The following HUNK variants were observed in gnomAD, a reference collection of about 807,000 sequenced individuals.
HUNK encodes hormonally up-regulated neu tumor-associated kinase.
HUNK carries 21 observed loss-of-function variants against 61.0 expected under a neutral mutation model. The ratio of observed to expected loss-of-function variants is 0.34; its 90% CI spans 0.24 to 0.50. HUNK has a LOEUF of 0.50. HUNK is among the 20% of genes least tolerant of loss of function. The probability of loss-of-function intolerance (pLI) is 0.98; values close to 1 mark genes in which losing one functional copy is unlikely to be tolerated. For synonymous variants in HUNK, 371 were observed against 386.1 expected, an observed-to-expected ratio of 0.96 and a Z score of 0.46; for missense variants, 772 against 945.7, an observed-to-expected ratio of 0.82 and a Z score of 2.41.
rs115224496 is a variant in HUNK, at chr21:31,950,665, C to G, written c.746+4494C>G. On this transcript the variant is annotated intron_variant, in intron 4 of 10. Coordinates refer to ENST00000270112, the MANE Select transcript of HUNK (RefSeq NM_014586.2). ...GGGGTCTGATTTTGTGTCTGAGATA[C>G]AAGTTAGGTTTCTGTTTGGTGCCCA... is the stretch of plus-strand genomic sequence containing the variant. 5.4e-3 allele frequency among the ~76,000 whole-genome samples: 821 copies of G among 152,200 alleles called. 8 individuals carry two copies. The highest frequency in any genetic ancestry group is 0.019 in the African/African-American group (780 of 41,520).
At chr21:31,893,618 C>G (rs1490873326) in intron 1 of HUNK, among the ~76,000 whole-genome samples, 1 of 151,516 alleles carries the variant, frequency 6.6e-6, no homozygotes, top group African/African-American at 2.4e-5. Flanking sequence ...GGCCTCACCT[C>G]CTTGTCACCT....
intron 5 of HUNK, among the ~76,000 whole-genome samples, 164 bp from the exon 6 acceptor site, chr21:31,968,086 C>A (rs1056471943): frequency 5.3e-5 from 8 of 152,108 alleles, no homozygotes; most frequent in Non-Finnish European, 8.8e-5. Flanking sequence ...CCAAGCTCCA[C>A]GATTCATTGA....
chr21:31,975,816 C>T (rs1279346506), intron 7 of HUNK, among the ~76,000 whole-genome samples: 1 of 152,124 alleles, frequency 6.6e-6, no homozygotes, highest in African/African-American at 2.4e-5. Flanking sequence ...GTGGAGATGA[C>T]CAAATTAATA....
chr21:31,999,759 G>T lies in HUNK; in HGVS notation c.*575G>T, dbSNP rs1601417412. 6.2e-6 allele frequency: 1 copy of T among 162,410 alleles called. No homozygotes were observed. The highest frequency in any genetic ancestry group is 2.4e-5 in the African/African-American group (1 of 41,842). The allele number at this position is 162,410 out of a possible 1,614,324, so 10.1% of individuals were successfully genotyped here. ...GGACCAAGATCAAACCAAACAGTGGGGACCCCAACAGAAGAGAAAGACTGA... is the reference window on the plus strand; with the variant it reads ...GGACCAAGATCAAACCAAACAGTGGTGACCCCAACAGAAGAGAAAGACTGA... On this transcript the variant is annotated 3_prime_UTR_variant, in exon 11 of 11. Transcript: ENST00000270112.
intron 5 of HUNK, among the ~76,000 whole-genome samples, chr21:31,961,929 A>T (rs1399942769): frequency 2.0e-5 from 3 of 152,190 alleles, no homozygotes; most frequent in South Asian, 2.1e-4. Flanking sequence ...ATCAGCCCCC[A>T]AGTCTTAGTG....
Position 31,974,571 on chromosome 21 carries a change from C to T in HUNK, c.1027C>T (p.Leu343=). ...TYPNRISLED[L]SPSVVLHMTE... is the part of the protein sequence containing the mutation. Reference sequence around the variant, plus strand: ...ACCTCGCAGGATTTCTCTGGAAGATCTGAGCCCGAGCGTCGTGCTGCACAT... The same window carrying T: ...ACCTCGCAGGATTTCTCTGGAAGATTTGAGCCCGAGCGTCGTGCTGCACAT... Residue 343 remains leucine, a synonymous_variant, in exon 7 of 11, where the codon CTG becomes TTG. Coordinates refer to ENST00000270112, the MANE Select transcript of HUNK (RefSeq NM_014586.2). 6.2e-7 allele frequency: 1 copy of T among 1,613,396 alleles called. No individual in the cohort carries two copies. The highest frequency in any genetic ancestry group is 8.5e-7 in the Non-Finnish European group (1 of 1,179,652).
intron 9 of HUNK, 49 bp from the exon 10 acceptor site, chr21:31,995,719 G>A (rs749585396): frequency 6.9e-6 from 10 of 1,446,518 alleles, no homozygotes; most frequent in African/African-American, 5.7e-5. Context: ...GAATCCCATT[G>A]TGTCTTCTAG....
Position 32,001,876 on chromosome 21 carries a change from G to C in HUNK, c.*2692G>C, listed in dbSNP as rs1203290694. 1 of 152,644 alleles carries C rather than the reference G, an allele frequency of 6.6e-6. No homozygotes were observed. Among genetic ancestry groups the C allele is most frequent in the Non-Finnish European group, 1.5e-5 (1 of 68,044 alleles). The allele number at this position is 152,644 out of a possible 1,614,324, so 9.5% of individuals were successfully genotyped here. On this transcript the variant is annotated 3_prime_UTR_variant, in exon 11 of 11. Transcript: ENST00000270112. ...GACAGAAATTGACTGGACTGTCATTGTGTGAAGTCTAGGAGGAAATGTCCA... is the reference window on the plus strand; with the variant it reads ...GACAGAAATTGACTGGACTGTCATTCTGTGAAGTCTAGGAGGAAATGTCCA...
In HUNK at chr21:31,958,960, G is replaced by T. The variant is rs1271808703; in HGVS notation, c.864G>T (p.Gln288His). 2 of 1,604,974 alleles carry T rather than the reference G, an allele frequency of 1.2e-6. No homozygotes were observed. Among genetic ancestry groups the T allele is most frequent in the Admixed American group, 1.7e-5 (1 of 59,130 alleles). Residue 288 changes from glutamine to histidine, a missense_variant, in exon 5 of 11, where the codon CAG (glutamine) becomes CAT (histidine). Physicochemically the swap from Gln to His is conservative, Grantham distance 24. Transcript: ENST00000270112. ...AAGAAATGAACCCCCTCCCCACTCA[G>T]CTCTCCACAGGTAATGCACCAGCTG... is the stretch of plus-strand genomic sequence containing the variant. Reference protein sequence around the residue: ...VDKEMNPLPTQLSTGAISFLR... With the variant: ...VDKEMNPLPTHLSTGAISFLR...
intron 1 of HUNK, among the ~76,000 whole-genome samples, chr21:31,888,930 C>T (rs934919405): frequency 6.6e-6 from 1 of 152,058 alleles, no homozygotes; most frequent in Middle Eastern, 3.2e-3. Flanking sequence ...AGCAGACTTC[C>T]TCAATGAAGG....
intron 1 of HUNK, among the ~76,000 whole-genome samples, chr21:31,875,036 G>A (rs1334300858): frequency 6.6e-6 from 1 of 152,184 alleles, no homozygotes; most frequent in African/African-American, 2.4e-5. Flanking sequence ...CCCCCAGGCT[G>A]GGGGTGGCTC....
At chr21:31,933,539 C>G (rs981306881) in intron 2 of HUNK, among the ~76,000 whole-genome samples, 16 of 151,994 alleles carry the variant, frequency 1.1e-4, no homozygotes, top group Non-Finnish European at 2.1e-4. Context: ...AATCCTAGCA[C>G]TTTGGGAGGC....
At chr21:31,913,705 T>C (rs67887098) in intron 1 of HUNK, among the ~76,000 whole-genome samples, 27,029 of 151,468 alleles carry the variant, frequency 0.18, 3,276 homozygotes, top group African/African-American at 0.33. Context: ...TGGACAGTCA[T>C]GAGCGTGCTG....
intron 7 of HUNK, among the ~76,000 whole-genome samples, chr21:31,979,682 A>T (rs1351112831): frequency 3.3e-5 from 5 of 150,734 alleles, no homozygotes; most frequent in Non-Finnish European, 5.9e-5. Context: ...CACCTGGCTA[A>T]TTTTTTGTAT....
At chr21:31,900,754 C>T (rs1330260879) in intron 1 of HUNK, among the ~76,000 whole-genome samples, 1 of 152,174 alleles carries the variant, frequency 6.6e-6, no homozygotes, top group Non-Finnish European at 1.5e-5. Context: ...TTCTGATGGA[C>T]TGGACACGGA....
intron 1 of HUNK, among the ~76,000 whole-genome samples, chr21:31,907,207 C>T (rs949640692): frequency 6.6e-6 from 1 of 151,810 alleles, no homozygotes; most frequent in African/African-American, 2.4e-5. Flanking sequence ...GTGCTTTGTC[C>T]GAACTGAGAT....
At chr21:31,941,010 C>T (rs2052765140) in intron 3 of HUNK, among the ~76,000 whole-genome samples, 1 of 152,116 alleles carries the variant, frequency 6.6e-6, no homozygotes, top group Admixed American at 6.6e-5. Context: ...AACTTTTATG[C>T]CCAAGAAGGA....
intron 1 of HUNK, among the ~76,000 whole-genome samples, chr21:31,915,530 G>T (rs903905588): frequency 6.6e-5 from 10 of 152,126 alleles, no homozygotes; most frequent in Admixed American, 1.3e-4. Context: ...ATATTTCTGC[G>T]ATATTAAAGA....
intron 1 of HUNK, among the ~76,000 whole-genome samples, chr21:31,917,757 C>CACACACACACACACACA (rs2052595538): frequency 6.8e-6 from 1 of 146,760 alleles, no homozygotes; most frequent in East Asian, 2.0e-4. Flanking sequence ...CACACACACA[C>CACACACACACACACACA]CCCTGGACTG....
Sources: gnomAD v4.1 joint callset for allele counts (sites outside exome capture counted in the v4.1 genomes callset) on GRCh38, gnomAD v4.1.1 for gene constraint, MANE v1.5 for transcripts, NCBI Gene and HGNC (gene_info 2026-07-23, HGNC 2026-07-21) for gene names.